NOX4: variants seen among roughly 807,000 people sequenced by gnomAD.
The protein encoded by NOX4 is NADPH oxidase 4, also known as kidney oxidase-1.
NOX4 carries 69 observed loss-of-function variants against 87.6 expected under a neutral mutation model. That is an observed-to-expected ratio of 0.79 (90% CI 0.65 to 0.96). The LOEUF is 0.96. Ranked by LOEUF, NOX4 falls within the 40% of genes least tolerant of loss-of-function variation. The probability of loss-of-function intolerance (pLI) is 0.00; values close to 1 mark genes in which losing one functional copy is unlikely to be tolerated. For synonymous variants in NOX4, 275 were observed against 238.2 expected (o/e 1.15, Z -1.42); for missense variants, 680 against 681.5 (o/e 1.00, Z 0.02).
At chr11:89,369,388 A>C in intron 12 of NOX4, among the ~76,000 whole-genome samples, 1 of 152,242 alleles carries the variant, frequency 6.6e-6, no homozygotes, top group South Asian at 2.1e-4. Flanking sequence ...TCCAAAAAAA[A>C]TGATAAACTC....
chr11:89,363,367 G>T (rs569612581), intron 12 of NOX4, among the ~76,000 whole-genome samples: 3 of 152,122 alleles, frequency 2.0e-5, no homozygotes, highest in South Asian at 4.1e-4. Flanking sequence ...GTTAAAGCAT[G>T]TTTTATTCAC....
chr11:89,477,416 G>A (rs1946211436), intron 2 of NOX4, among the ~76,000 whole-genome samples: 1 of 152,144 alleles, frequency 6.6e-6, no homozygotes, highest in South Asian at 2.1e-4. Context: ...AAATACAGAT[G>A]AAGTTTTGCT....
chr11:89,569,256 A>G, the NOX4 span, among the ~76,000 whole-genome samples: 1 of 152,152 alleles, frequency 6.6e-6, no homozygotes, highest in South Asian at 2.1e-4. Context: ...AGCTATCCAC[A>G]GAGTAAATTG....
At chr11:89,433,568 C>A (rs1943923776) in intron 6 of NOX4, among the ~76,000 whole-genome samples, 1 of 152,054 alleles carries the variant, frequency 6.6e-6, no homozygotes, top group East Asian at 1.9e-4. Flanking sequence ...TTAGGCTTCA[C>A]TAACTAGAAT....
chr11:89,536,209 C>G, the NOX4 span, among the ~76,000 whole-genome samples: 2 of 136,474 alleles, frequency 1.5e-5, no homozygotes, highest in African/African-American at 5.6e-5. Context: ...TGCAGTGGCG[C>G]GATCTCGGCT....
chr11:89,473,367 TG>T (rs1357208761), intron 2 of NOX4, among the ~76,000 whole-genome samples: 3 of 152,132 alleles, frequency 2.0e-5, no homozygotes, highest in Non-Finnish European at 4.4e-5. Flanking sequence ...CATTCCAAAA[TG>T]TTGCCTCATT....
intron 12 of NOX4, among the ~76,000 whole-genome samples, chr11:89,370,662 A>T (rs1424687616): frequency 1.3e-5 from 2 of 152,062 alleles, no homozygotes; most frequent in Non-Finnish European, 2.9e-5. Context: ...CATCTACTGT[A>T]CTAGCATCAT....
At chr11:89,578,943 A>G in the NOX4 span, among the ~76,000 whole-genome samples, 3 of 152,226 alleles carry the variant, frequency 2.0e-5, no homozygotes, top group Non-Finnish European at 4.4e-5. Context: ...AACAAATTGC[A>G]GCACTTACCT....
chr11:89,586,836 C>A, the NOX4 span, among the ~76,000 whole-genome samples: 1 of 152,150 alleles, frequency 6.6e-6, no homozygotes, highest in East Asian at 1.9e-4. Context: ...AAATCATGTA[C>A]ATTGACATGG....
intron 6 of NOX4, among the ~76,000 whole-genome samples, chr11:89,439,287 C>G (rs1050079283): frequency 4.0e-5 from 6 of 151,556 alleles, no homozygotes; most frequent in African/African-American, 1.5e-4. Flanking sequence ...TTTTCTTTTT[C>G]TGTACTTTTT....
intron 11 of NOX4, among the ~76,000 whole-genome samples, chr11:89,376,865 G>C (rs1399790482): frequency 6.6e-6 from 1 of 152,042 alleles, no homozygotes; most frequent in African/African-American, 2.4e-5. Flanking sequence ...CTGGGTGACA[G>C]AGCGAGACTC....
the NOX4 span, among the ~76,000 whole-genome samples, chr11:89,560,674 C>T: frequency 6.6e-6 from 1 of 151,746 alleles, no homozygotes; most frequent in Non-Finnish European, 1.5e-5. Flanking sequence ...AGAAGAAAGG[C>T]AAATTTGCTC....
intron 8 of NOX4, among the ~76,000 whole-genome samples, chr11:89,414,673 T>C (rs1315575781): frequency 1.3e-5 from 2 of 150,598 alleles, no homozygotes; most frequent in African/African-American, 4.9e-5. Flanking sequence ...AGAGTTATCA[T>C]ATTATTATGT....
intron 2 of NOX4, among the ~76,000 whole-genome samples, chr11:89,469,248 A>G (rs975744744): frequency 6.6e-6 from 1 of 152,196 alleles, no homozygotes; most frequent in African/African-American, 2.4e-5. Flanking sequence ...TATGTACACT[A>G]AACTATTGTT....
chr11:89,455,737 T>C (rs1036448499), intron 2 of NOX4, among the ~76,000 whole-genome samples: 10 of 150,044 alleles, frequency 6.7e-5, no homozygotes, highest in Admixed American at 2.7e-4. Flanking sequence ...TATATATATA[T>C]ATATATATGA....
At chr11:89,537,649 A>G in the NOX4 span, among the ~76,000 whole-genome samples, 1 of 152,136 alleles carries the variant, frequency 6.6e-6, no homozygotes, top group East Asian at 1.9e-4. Flanking sequence ...TTTTAGATCT[A>G]GTAATGTCAC....
the NOX4 span, among the ~76,000 whole-genome samples, chr11:89,537,571 C>T: frequency 5.3e-5 from 8 of 151,702 alleles, no homozygotes; most frequent in Non-Finnish European, 1.0e-4. Flanking sequence ...AGTTAAATTT[C>T]AAAATGCAAG....
intron 8 of NOX4, among the ~76,000 whole-genome samples, chr11:89,405,909 T>C (rs1176974090): frequency 6.6e-6 from 1 of 152,070 alleles, no homozygotes; most frequent in Non-Finnish European, 1.5e-5. Context: ...ACCAGGCCTA[T>C]TCCCCTTGCA....
chr11:89,395,220 T>C (rs1404757365), intron 11 of NOX4, among the ~76,000 whole-genome samples: 1 of 152,182 alleles, frequency 6.6e-6, no homozygotes, highest in Admixed American at 6.6e-5. Flanking sequence ...TGGTATCTCA[T>C]TGTGGTTTTG....
Sources: allele counts gnomAD v4.1 joint callset (sites outside exome capture counted in the v4.1 genomes callset), GRCh38; gene constraint gnomAD v4.1.1; transcripts MANE v1.5; gene names NCBI Gene and HGNC (gene_info 2026-07-23, HGNC 2026-07-21).